The following STAG1 variants were observed in gnomAD, a reference collection of about 807,000 sequenced individuals.
The protein encoded by STAG1 is cohesin subunit SA-1.
STAG1 carries 26 observed loss-of-function variants against 170.9 expected under a neutral mutation model. The ratio of observed to expected loss-of-function variants is 0.15; its 90% CI spans 0.11 to 0.21. The LOEUF (loss-of-function observed/expected upper bound fraction) is 0.21, where lower values mean the gene tolerates loss of function less well. Among genes scored for constraint, STAG1 ranks in the 10% least tolerant of loss-of-function variants. STAG1 has a pLI of 1.00. For missense variants in STAG1, 964 were observed against 1,509.5 expected, an observed-to-expected ratio of 0.64 and a Z score of 5.99; for synonymous variants, 514 against 497.7, an observed-to-expected ratio of 1.03 and a Z score of -0.44.
At position 136,422,153 on chromosome 3, in the gene STAG1, CAA is replaced by C. The variant is rs11312063; in HGVS notation, c.2037+255_2037+256del. Among the ~76,000 whole-genome samples the C allele has an allele frequency of 3.9e-3, 380 of 96,486 alleles. 1 individual carries two copies. Among genetic ancestry groups the C allele is most frequent in the Admixed American group, 8.2e-3 (75 of 9,120 alleles). 63.3% of individuals were successfully genotyped at this position (96,486 alleles called of 152,430 possible). A position where few individuals can be genotyped will look rare whatever the true frequency, so the allele number is the denominator to read the frequency against. On this transcript the variant is annotated intron_variant, in intron 19 of 33. Coordinates refer to ENST00000383202, the MANE Select transcript of STAG1 (RefSeq NM_005862.3). ...TGGGTGACAAAGCAAGACTCTGCCT[CAA>C]AAAAAAAAAAAAAAAAAAATTTCTT...
intron 21 of STAG1, among the ~76,000 whole-genome samples, chr3:136,403,149 AC>A (rs1267985767): frequency 6.7e-6 from 1 of 148,890 alleles, no homozygotes; most frequent in African/African-American, 2.5e-5. Context: ...AATGACTTGA[AC>A]CTGGGAGGCA....
At chr3:136,434,181 A>G (rs1471950476) in intron 15 of STAG1, among the ~76,000 whole-genome samples, 2 of 152,132 alleles carry the variant, frequency 1.3e-5, no homozygotes, top group Non-Finnish European at 2.9e-5. Context: ...TAATAGATAT[A>G]TATTTATGTA....
chr3:136,701,533 A>C (rs1943061255), intron 1 of STAG1, among the ~76,000 whole-genome samples: 1 of 152,192 alleles, frequency 6.6e-6, no homozygotes, highest in Non-Finnish European at 1.5e-5. Flanking sequence ...AAAATAAAAA[A>C]TAAGAAAGAT....
chr3:136,735,312 G>C (rs533962688), intron 1 of STAG1, among the ~76,000 whole-genome samples: 21 of 152,056 alleles, frequency 1.4e-4, no homozygotes, highest in African/African-American at 5.1e-4. Context: ...TTTCTGTAGA[G>C]ACAGGGTCTT....
chr3:136,394,230 A>G (rs1201611293), intron 22 of STAG1, among the ~76,000 whole-genome samples: 1 of 152,200 alleles, frequency 6.6e-6, no homozygotes, highest in Non-Finnish European at 1.5e-5. Context: ...TAAAGTTTGC[A>G]TGTGTCTTAA....
chr3:136,425,365 G>A (rs572106695), intron 16 of STAG1, among the ~76,000 whole-genome samples: 5 of 152,076 alleles, frequency 3.3e-5, no homozygotes, highest in Admixed American at 6.6e-5. Flanking sequence ...GGGTGAGTGG[G>A]TGGAATGTGA....
At chr3:136,675,438 A>G (rs1176085179) in intron 1 of STAG1, among the ~76,000 whole-genome samples, 1 of 152,206 alleles carries the variant, frequency 6.6e-6, no homozygotes, top group Non-Finnish European at 1.5e-5. Context: ...CTTATTATGA[A>G]GGAAAAATAA....
intron 3 of STAG1, among the ~76,000 whole-genome samples, chr3:136,618,779 T>C (rs1196168693): frequency 7.8e-6 from 1 of 128,034 alleles, no homozygotes; most frequent in African/African-American, 2.5e-5. Flanking sequence ...CATTCTTATA[T>C]CAATATTATT....
intron 1 of STAG1, among the ~76,000 whole-genome samples, chr3:136,704,845 A>T (rs1943180176): frequency 6.6e-6 from 1 of 150,382 alleles, no homozygotes. Context: ...AAAAAAAAAA[A>T]AGATAAAGAA....
intron 1 of STAG1, among the ~76,000 whole-genome samples, chr3:136,640,922 G>A (rs372062179): frequency 2.0e-5 from 3 of 152,240 alleles, no homozygotes; most frequent in Non-Finnish European, 4.4e-5. Context: ...TGATCTGCCC[G>A]CCTTGGCCTC....
At chr3:136,386,015 T>A (rs2086863912) in intron 22 of STAG1, among the ~76,000 whole-genome samples, 2 of 152,142 alleles carry the variant, frequency 1.3e-5, no homozygotes. Context: ...AAGAGAAACC[T>A]CTTTCAACAA....
intron 29 of STAG1, chr3:136,348,752 A>C: frequency 5.4e-6 from 1 of 186,022 alleles, no homozygotes; most frequent in South Asian, 1.0e-4. Context: ...GAACTGGAAA[A>C]CAACTATTCT....
At chr3:136,727,685 T>C (rs563048296) in intron 1 of STAG1, among the ~76,000 whole-genome samples, 56 of 152,232 alleles carry the variant, frequency 3.7e-4, no homozygotes, top group African/African-American at 1.2e-3. Context: ...TCAAATATGT[T>C]CTCTAGGGAA....
intron 4 of STAG1, among the ~76,000 whole-genome samples, chr3:136,596,255 A>G (rs1309405802): frequency 6.6e-6 from 1 of 152,240 alleles, no homozygotes; most frequent in African/African-American, 2.4e-5. Flanking sequence ...CAGAAACTTC[A>G]TTGTTGTCTT....
intron 12 of STAG1, among the ~76,000 whole-genome samples, chr3:136,466,583 G>T (rs892686540): frequency 1.3e-5 from 2 of 152,286 alleles, no homozygotes; most frequent in African/African-American, 4.8e-5. Flanking sequence ...CACTCTGCAG[G>T]ATATTATCCA....
At chr3:136,564,983 A>AAGGC (rs1937000087) in intron 5 of STAG1, among the ~76,000 whole-genome samples, 1 of 79,122 alleles carries the variant, frequency 1.3e-5, no homozygotes. Context: ...GGAAGGAAGG[A>AAGGC]AGGAAGGAAG....
At chr3:136,518,440 T>C (rs1037474869) in intron 7 of STAG1, 2 of 699,840 alleles carry the variant, frequency 2.9e-6, no homozygotes, top group Admixed American at 2.0e-5. Context: ...AAAATGATTA[T>C]CTTTTAATCT....
chr3:136,423,778 C>T (rs974370843), intron 16 of STAG1, among the ~76,000 whole-genome samples: 4 of 152,026 alleles, frequency 2.6e-5, no homozygotes, highest in African/African-American at 4.8e-5. Flanking sequence ...TATAAATTGC[C>T]ACTTCATAAA....
At position 136,616,040 on chromosome 3, in the gene STAG1, G is replaced by T. The variant is rs191751674; in HGVS notation, c.132+7106C>A. Among the ~76,000 whole-genome samples the T allele has an allele frequency of 2.6e-3, 400 of 151,732 alleles. 2 individuals carry two copies. The highest frequency in any genetic ancestry group is 9.2e-3 in the African/African-American group (379 of 41,408). ...TCCCAGCACTTTGGGAGGCCAAGGCGGGTGGATCACGAGGTCAGGAGATCA... is the reference window on the plus strand; with the variant it reads ...TCCCAGCACTTTGGGAGGCCAAGGCTGGTGGATCACGAGGTCAGGAGATCA... On this transcript the variant is annotated intron_variant, in intron 3 of 33. Transcript: ENST00000383202.
Sources: allele counts gnomAD v4.1 joint callset (sites outside exome capture counted in the v4.1 genomes callset), GRCh38; gene constraint gnomAD v4.1.1; transcripts MANE v1.5; gene names NCBI Gene and HGNC (gene_info 2026-07-23, HGNC 2026-07-21).